The following TMEM229B variants were observed in gnomAD, a reference collection of about 807,000 sequenced individuals.
TMEM229B encodes the protein chromosome 14 open reading frame 83.
Under a neutral mutation model 13.7 loss-of-function variants are expected in TMEM229B, and 6 were observed. The observed-to-expected ratio is 0.44, with a 90% confidence interval of 0.24 to 0.86. TMEM229B has a LOEUF of 0.86. Among genes scored for constraint, TMEM229B ranks in the 40% least tolerant of loss-of-function variants. TMEM229B has a pLI of 0.23. For synonymous variants in TMEM229B, 107 were observed against 102.1 expected (o/e 1.05, Z -0.29); for missense variants, 170 against 236.0 (o/e 0.72, Z 1.83).
At chr14:67,474,427 C>T (rs2031040013) in intron 2 of TMEM229B, among the ~76,000 whole-genome samples, 1 of 152,174 alleles carries the variant, frequency 6.6e-6, no homozygotes, top group Non-Finnish European at 1.5e-5. Flanking sequence ...CACCAATCAG[C>T]CCCATTTCTA....
chr14:67,498,170 C>T (rs905034895), intron 1 of TMEM229B, among the ~76,000 whole-genome samples: 12 of 152,102 alleles, frequency 7.9e-5, no homozygotes, highest in African/African-American at 2.2e-4. Flanking sequence ...TCTCTGTTCC[C>T]GATCCATTCA....
chr14:67,524,479 C>T (rs2033337355), intron 1 of TMEM229B, among the ~76,000 whole-genome samples: 1 of 152,190 alleles, frequency 6.6e-6, no homozygotes, highest in African/African-American at 2.4e-5. Flanking sequence ...GACAAAGGAA[C>T]ACAGGCTTAG....
chr14:67,479,637 G>A (rs2031460079), intron 2 of TMEM229B, among the ~76,000 whole-genome samples: 1 of 152,124 alleles, frequency 6.6e-6, no homozygotes, highest in Non-Finnish European at 1.5e-5. Context: ...AGAATCGCTT[G>A]AACCTGGGAG....
At chr14:67,526,526 C>T (rs1009786213) in intron 1 of TMEM229B, among the ~76,000 whole-genome samples, 5 of 152,232 alleles carry the variant, frequency 3.3e-5, no homozygotes, top group African/African-American at 1.2e-4. Flanking sequence ...GTCTTTTATA[C>T]ATCTCAGTGT....
intron 1 of TMEM229B, among the ~76,000 whole-genome samples, chr14:67,513,674 C>A (rs911658134): frequency 6.6e-6 from 1 of 152,208 alleles, no homozygotes; most frequent in African/African-American, 2.4e-5. Context: ...TACTTGTATC[C>A]TTGTATCATT....
chr14:67,507,034 G>A (rs2032853916), intron 1 of TMEM229B, among the ~76,000 whole-genome samples: 1 of 152,108 alleles, frequency 6.6e-6, no homozygotes, highest in Non-Finnish European at 1.5e-5. Context: ...AAAGGGAACT[G>A]AAGATAGCCT....
chr14:67,491,269 C>G (rs79560985), upstream of TMEM229B, among the ~76,000 whole-genome samples: 1,459 of 152,266 alleles, frequency 9.6e-3, 23 homozygotes, highest in African/African-American at 0.032. Context: ...CCACCAGCAC[C>G]GCCACATGTT....
intron 1 of TMEM229B, among the ~76,000 whole-genome samples, chr14:67,528,898 A>G (rs2033406214): frequency 6.6e-6 from 1 of 152,144 alleles, no homozygotes; most frequent in Admixed American, 6.5e-5. Context: ...GTGGCCTGGA[A>G]TCTGTATTTT....
intron 1 of TMEM229B, among the ~76,000 whole-genome samples, chr14:67,501,857 C>CA (rs1370271425): frequency 1.3e-5 from 2 of 152,236 alleles, no homozygotes; most frequent in Admixed American, 6.5e-5. Context: ...CAAGCACATT[C>CA]ACGTTTCTAT....
chr14:67,519,714 G>GT (rs11306782), upstream of TMEM229B, among the ~76,000 whole-genome samples: 54,469 of 144,884 alleles, frequency 0.38, 10,486 homozygotes, highest in Admixed American at 0.47. Context: ...CTGTAAGTTT[G>GT]TTTTTTTTTT....
intron 1 of TMEM229B, among the ~76,000 whole-genome samples, chr14:67,510,185 A>T (rs2032981129): frequency 6.6e-6 from 1 of 152,244 alleles, no homozygotes; most frequent in Non-Finnish European, 1.5e-5. Flanking sequence ...ATGAGAAAAG[A>T]ACATATGTAA....
intron 2 of TMEM229B, among the ~76,000 whole-genome samples, chr14:67,477,404 A>C (rs1253771486): frequency 6.6e-6 from 1 of 152,188 alleles, no homozygotes; most frequent in Non-Finnish European, 1.5e-5. Context: ...GGTTACCTTC[A>C]GAACAAAATC....
intron 2 of TMEM229B, among the ~76,000 whole-genome samples, chr14:67,477,923 A>G (rs545208474): frequency 2.6e-4 from 39 of 152,262 alleles, no homozygotes; most frequent in African/African-American, 8.4e-4. Flanking sequence ...CCACCCTAAC[A>G]TGAGTTCCTG....
At chr14:67,519,767 G>T (rs912836330), upstream of TMEM229B, among the ~76,000 whole-genome samples, 1 of 150,538 alleles carries the variant, frequency 6.6e-6, no homozygotes, top group Non-Finnish European at 1.5e-5. Context: ...CTGTTGCCCA[G>T]CCTGGAGTGC....
chr14:67,501,077 A>ATAT (rs1312405756), intron 1 of TMEM229B, among the ~76,000 whole-genome samples: 87 of 148,632 alleles, frequency 5.9e-4, no homozygotes, highest in African/African-American at 2.0e-3. Flanking sequence ...AATAATAATA[A>ATAT]TAATAATAAA....
rs1325688649 is a variant in TMEM229B, at chr14:67,487,094, A to G, written c.-113T>C. On this transcript the variant is annotated 5_prime_UTR_variant, in exon 2 of 3. The change abolishes an upstream ATG in the 5' untranslated region. Transcript: ENST00000554480. ...CCTTTGTTGGCTGGGCCTCAGTGCC[A>G]TTCTCAGCAACGTAGGCAAGCATCA... The G allele has an allele frequency of 6.6e-6, 1 of 152,252 alleles. No individual in the cohort carries two copies. Among genetic ancestry groups the G allele is most frequent in the Non-Finnish European group, 1.5e-5 (1 of 68,090 alleles). 9.4% of individuals were successfully genotyped at this position (152,252 alleles called of 1,614,324 possible). A position where few individuals can be genotyped will look rare whatever the true frequency, so the allele number is the denominator to read the frequency against.
chr14:67,502,763 T>A (rs2032663325), intron 1 of TMEM229B, among the ~76,000 whole-genome samples: 1 of 152,084 alleles, frequency 6.6e-6, no homozygotes, highest in Admixed American at 6.5e-5. Flanking sequence ...CAGAAGGTGA[T>A]TTCTAAAGGT....
At chr14:67,530,941 C>T (rs993149912) in intron 1 of TMEM229B, among the ~76,000 whole-genome samples, 2 of 152,208 alleles carry the variant, frequency 1.3e-5, no homozygotes, top group African/African-American at 4.8e-5. Flanking sequence ...GCAGCTAATA[C>T]AATCATTGAA....
At chr14:67,501,880 G>C (rs1006206252) in intron 1 of TMEM229B, among the ~76,000 whole-genome samples, 1 of 152,222 alleles carries the variant, frequency 6.6e-6, no homozygotes, top group Admixed American at 6.5e-5. Context: ...TGACATCTAC[G>C]AATATTCATA....
Sources: allele counts gnomAD v4.1 joint callset (sites outside exome capture counted in the v4.1 genomes callset), GRCh38; gene constraint gnomAD v4.1.1; transcripts MANE v1.5; gene names NCBI Gene and HGNC (gene_info 2026-07-23, HGNC 2026-07-21).